PDE7A: variants seen among roughly 807,000 people sequenced by gnomAD.
PDE7A encodes high affinity 3',5'-cyclic-AMP phosphodiesterase 7A.
Under a neutral mutation model 64.3 loss-of-function variants are expected in PDE7A, and 39 were observed. The ratio of observed to expected loss-of-function variants is 0.61; its 90% CI spans 0.47 to 0.79. PDE7A has a LOEUF of 0.79. Ranked by LOEUF, PDE7A falls within the 30% of genes least tolerant of loss-of-function variation. PDE7A has a pLI of 0.00. For synonymous variants in PDE7A, 203 were observed against 206.8 expected (o/e 0.98, Z 0.16); for missense variants, 470 against 582.8 (o/e 0.81, Z 1.99).
chr8:65,839,223 T>TTTAA (rs139030754), intron 1 of PDE7A, among the ~76,000 whole-genome samples: 3 of 149,628 alleles, frequency 2.0e-5, no homozygotes, highest in African/African-American at 7.3e-5. Context: ...GTCTTTTTTT[T>TTTAA]AAAAAAAAAA....
At chr8:65,836,994 G>A (rs1364840115) in intron 1 of PDE7A, among the ~76,000 whole-genome samples, 3 of 152,136 alleles carry the variant, frequency 2.0e-5, no homozygotes, top group African/African-American at 7.2e-5. Flanking sequence ...GATTACATAA[G>A]GCTAATCCTG....
chr8:65,777,947 A>G (rs948098704), intron 3 of PDE7A, among the ~76,000 whole-genome samples: 2 of 152,104 alleles, frequency 1.3e-5, no homozygotes, highest in South Asian at 2.1e-4. Context: ...TCTTTTACCA[A>G]CTTCTAGAGA....
intron 1 of PDE7A, among the ~76,000 whole-genome samples, chr8:65,802,182 G>A (rs1448272164): frequency 6.6e-6 from 1 of 152,134 alleles, no homozygotes; most frequent in Non-Finnish European, 1.5e-5. Context: ...GGAGAGCAGG[G>A]AATAGCAAGT....
At chr8:65,740,107 A>G (rs915983725) in intron 5 of PDE7A, among the ~76,000 whole-genome samples, 1 of 151,348 alleles carries the variant, frequency 6.6e-6, no homozygotes, top group African/African-American at 2.4e-5. Flanking sequence ...CATCAGGATT[A>G]AAAACTCTGA....
At chr8:65,838,847 G>GA (rs1053944748) in intron 1 of PDE7A, 1 of 152,284 alleles carries the variant, frequency 6.6e-6, no homozygotes, top group South Asian at 2.1e-4. Flanking sequence ...GCTGCTACTT[G>GA]AAAACAAGTT....
chr8:65,838,899 C>G (rs539440435), intron 1 of PDE7A, among the ~76,000 whole-genome samples: 8 of 152,352 alleles, frequency 5.3e-5, no homozygotes, highest in African/African-American at 1.9e-4. Context: ...TTAAGACGAT[C>G]TCCAAATCAA....
At chr8:65,790,085 G>C (rs1452869064) in intron 1 of PDE7A, among the ~76,000 whole-genome samples, 1 of 152,242 alleles carries the variant, frequency 6.6e-6, no homozygotes, top group African/African-American at 2.4e-5. Context: ...GAATTGTGAA[G>C]ACAGAAGACA....
chr8:65,817,626 T>G (rs1340164780), intron 1 of PDE7A, among the ~76,000 whole-genome samples: 3 of 152,194 alleles, frequency 2.0e-5, no homozygotes, highest in Non-Finnish European at 4.4e-5. Flanking sequence ...TCAGGTGCTC[T>G]TATGGAATAA....
At chr8:65,751,720 G>A (rs1242855890) in intron 3 of PDE7A, among the ~76,000 whole-genome samples, 3 of 152,162 alleles carry the variant, frequency 2.0e-5, no homozygotes, top group Non-Finnish European at 4.4e-5. Context: ...TCGAACTCCC[G>A]ACCTCAGGTG....
intron 1 of PDE7A, among the ~76,000 whole-genome samples, chr8:65,831,213 T>C (rs1810811209): frequency 3.9e-5 from 6 of 152,162 alleles, no homozygotes; most frequent in Admixed American, 3.9e-4. Context: ...ATATCATTAG[T>C]GCTAACCTTT....
intron 3 of PDE7A, among the ~76,000 whole-genome samples, chr8:65,775,726 C>T (rs549400966): frequency 5.1e-4 from 77 of 152,330 alleles, no homozygotes; most frequent in Non-Finnish European, 1.5e-5. Flanking sequence ...CTCCCAGGTT[C>T]GAGTGATTCT....
intron 3 of PDE7A, among the ~76,000 whole-genome samples, chr8:65,761,588 G>A (rs949953156): frequency 1.3e-5 from 2 of 152,176 alleles, no homozygotes; most frequent in Non-Finnish European, 2.9e-5. Context: ...TACTATTAAA[G>A]AGCAGTTGGC....
chr8:65,727,308 TGTGAC>T lies in PDE7A; in HGVS notation c.697-12_697-8del. 3 of 1,612,328 alleles carry T rather than the reference TGTGAC, an allele frequency of 1.9e-6. No individual in the cohort carries two copies. The highest frequency in any genetic ancestry group is 1.3e-5 in the African/African-American group (1 of 75,004). On this transcript the variant is annotated splice_region_variant and splice_polypyrimidine_tract_variant and intron_variant, in intron 7 of 12. Transcript: ENST00000401827. ...GAGTTACAGAATTGGCAAGCTGAAGTGTGACAAAAGAATAATGAATCACAGATATA... is the reference window on the plus strand; with the variant it reads ...GAGTTACAGAATTGGCAAGCTGAAGTAAAAGAATAATGAATCACAGATATA...
intron 1 of PDE7A, among the ~76,000 whole-genome samples, chr8:65,795,053 G>A (rs939047075): frequency 5.9e-5 from 9 of 152,072 alleles, no homozygotes; most frequent in Non-Finnish European, 1.0e-4. Flanking sequence ...CTAAATCTTC[G>A]CCAGCAAAAA....
In PDE7A at chr8:65,764,191, G is replaced by C. The variant is rs146906360; in HGVS notation, c.283+15529C>G. Among the ~76,000 whole-genome samples, 14 of 152,310 alleles carry C rather than the reference G, an allele frequency of 9.2e-5. No individual in the cohort carries two copies. In the East Asian group the frequency reaches 2.5e-3, roughly 27 times the overall value. The stretch of plus-strand genomic sequence containing the variant: ...TGGGTGATAGAAAAGACAGGAAAAA[G>C]GGACATGGGATTATTGTTTCCTGGG... On this transcript the variant is annotated intron_variant, in intron 3 of 12. Coordinates refer to ENST00000401827, the MANE Select transcript of PDE7A (RefSeq NM_001242318.3).
chr8:65,736,359 T>C (rs908461031), intron 6 of PDE7A, among the ~76,000 whole-genome samples: 17 of 152,300 alleles, frequency 1.1e-4, no homozygotes, highest in African/African-American at 4.1e-4. Context: ...CAGACTACAG[T>C]TGACCATGGG....
At chr8:65,747,954 C>T in intron 3 of PDE7A, 151 bp from the exon 4 acceptor site, 1 of 480,402 alleles carries the variant, frequency 2.1e-6, no homozygotes, top group Non-Finnish European at 3.6e-6. Context: ...TACTTTATTT[C>T]TATTTTATTT....
chr8:65,826,982 G>A (rs978414737), intron 1 of PDE7A, among the ~76,000 whole-genome samples: 1 of 151,972 alleles, frequency 6.6e-6, no homozygotes, highest in East Asian at 1.9e-4. Flanking sequence ...TGAGTTTCTG[G>A]GACTCCAGAG....
chr8:65,756,436 T>C (rs942624322), intron 3 of PDE7A, among the ~76,000 whole-genome samples: 12 of 152,160 alleles, frequency 7.9e-5, no homozygotes, highest in African/African-American at 2.7e-4. Context: ...TCTCTTTTTT[T>C]TCTCTCTCTC....
Sources: allele counts gnomAD v4.1 joint callset (sites outside exome capture counted in the v4.1 genomes callset), GRCh38; gene constraint gnomAD v4.1.1; transcripts MANE v1.5; gene names NCBI Gene and HGNC (gene_info 2026-07-23, HGNC 2026-07-21).